Variants in KHDRBS2 observed in about 807,000 individuals in gnomAD.
KHDRBS2 encodes KH domain-containing, RNA-binding, signal transduction-associated protein 2.
In KHDRBS2, 26 loss-of-function variants were observed where a neutral mutation model predicts 44.3. The ratio of observed to expected loss-of-function variants is 0.59; its 90% CI spans 0.43 to 0.81. The LOEUF is 0.81. Ranked by LOEUF, KHDRBS2 falls within the 40% of genes least tolerant of loss-of-function variation. KHDRBS2 has a pLI of 0.00. For synonymous variants in KHDRBS2, 194 were observed against 151.1 expected, an observed-to-expected ratio of 1.28 and a Z score of -2.08; for missense variants, 476 against 433.1, an observed-to-expected ratio of 1.10 and a Z score of -0.88.
At chr6:61,589,201 C>A in the KHDRBS2 span, among the ~76,000 whole-genome samples, 3,717 of 152,232 alleles carry the variant, frequency 0.024, 71 homozygotes, top group Middle Eastern at 0.085. Context: ...TGTAACAAAT[C>A]TGCATGTTCA....
Position 61,816,974 on chromosome 6 carries a change from G to A in KHDRBS2, c.810+77661C>T, listed in dbSNP as rs528188229. The A allele has an allele frequency of 4.2e-5, 19 of 455,610 alleles. 1 individual carries two copies. The highest frequency in any genetic ancestry group is 9.4e-5 in the Admixed American group (4 of 42,492). 28.2% of individuals were successfully genotyped at this position (455,610 alleles called of 1,614,324 possible). The stretch of plus-strand genomic sequence containing the variant: ...ACTTACCTGGTGAGATTTTGCCACC[G>A]TATCAAAAAACAAGGAAAGTGGTAA... On this transcript the variant is annotated intron_variant, in intron 6 of 8. Coordinates refer to ENST00000281156, the MANE Select transcript of KHDRBS2 (RefSeq NM_152688.4).
chr6:62,081,140 A>G (rs1797311894), intron 2 of KHDRBS2, among the ~76,000 whole-genome samples: 1 of 152,164 alleles, frequency 6.6e-6, no homozygotes, highest in South Asian at 2.1e-4. Flanking sequence ...AACAAAGGTA[A>G]TGTTGATGCA....
chr6:61,553,463 T>C, the KHDRBS2 span, among the ~76,000 whole-genome samples: 1 of 152,152 alleles, frequency 6.6e-6, no homozygotes, highest in Non-Finnish European at 1.5e-5. Flanking sequence ...AACTCCTGGA[T>C]TCATTCATCA....
chr6:61,788,023 A>G (rs1047496876), intron 6 of KHDRBS2, among the ~76,000 whole-genome samples: 1 of 151,632 alleles, frequency 6.6e-6, no homozygotes, highest in African/African-American at 2.4e-5. Flanking sequence ...TATTTTAGTG[A>G]AATTGAATTC....
At chr6:61,775,774 T>C (rs9444959) in intron 6 of KHDRBS2, among the ~76,000 whole-genome samples, 97,433 of 151,954 alleles carry the variant, frequency 0.64, 31,935 homozygotes, top group African/African-American at 0.79. Context: ...ACTTTCTTCA[T>C]AGAATTGGAA....
intron 1 of KHDRBS2, among the ~76,000 whole-genome samples, chr6:62,231,405 C>G (rs186981802): frequency 6.6e-6 from 1 of 152,142 alleles, no homozygotes; most frequent in Non-Finnish European, 1.5e-5. Context: ...ATCATCAGAT[C>G]TCATGAGAAC....
the KHDRBS2 span, among the ~76,000 whole-genome samples, chr6:61,610,971 A>T: frequency 6.6e-6 from 1 of 152,206 alleles, no homozygotes. Context: ...GAAGGCCCCT[A>T]TGATATCTTT....
chr6:61,829,254 C>T (rs1263645866), intron 6 of KHDRBS2, among the ~76,000 whole-genome samples: 1 of 152,074 alleles, frequency 6.6e-6, no homozygotes, highest in African/African-American at 2.4e-5. Flanking sequence ...CTCTGCCTCC[C>T]GGGTTAAAGC....
rs1412409091 is a variant in KHDRBS2, at chr6:62,171,182, G to T, written c.219+6003C>A. 2.0e-5 allele frequency among the ~76,000 whole-genome samples: 3 copies of T among 152,026 alleles called. No homozygotes were observed. The East Asian group carries it at 5.8e-4, about 29-fold the overall frequency. On this transcript the variant is annotated intron_variant, in intron 2 of 8. Coordinates refer to ENST00000281156, the MANE Select transcript of KHDRBS2 (RefSeq NM_152688.4). ...TATGGATAGGAATGAAGATCATAGA[G>T]ATTCAGGAGAAAGTCAAAATCTATT...
At chr6:61,854,353 T>A (rs1193376764) in intron 6 of KHDRBS2, among the ~76,000 whole-genome samples, 7 of 152,108 alleles carry the variant, frequency 4.6e-5, no homozygotes, top group Non-Finnish European at 8.8e-5. Context: ...TAGAGCAAAA[T>A]TTTTATATAT....
At chr6:61,806,964 G>T (rs1787263189) in intron 6 of KHDRBS2, among the ~76,000 whole-genome samples, 1 of 151,926 alleles carries the variant, frequency 6.6e-6, no homozygotes, top group African/African-American at 2.4e-5. Context: ...TTTTTAGGAT[G>T]AAAAGTCTAC....
chr6:62,213,768 G>A (rs560132794), intron 1 of KHDRBS2, among the ~76,000 whole-genome samples: 29 of 150,174 alleles, frequency 1.9e-4, no homozygotes, highest in African/African-American at 6.6e-4. Flanking sequence ...CAGCTATTCC[G>A]GAGGCTGAGG....
chr6:62,281,601 C>G (rs1361359441), intron 1 of KHDRBS2, among the ~76,000 whole-genome samples: 2 of 152,154 alleles, frequency 1.3e-5, no homozygotes, highest in Non-Finnish European at 2.9e-5. Flanking sequence ...ACCTGGGCAA[C>G]AGCGCAAGGC....
At chr6:61,553,877 T>A in the KHDRBS2 span, among the ~76,000 whole-genome samples, 2 of 152,144 alleles carry the variant, frequency 1.3e-5, no homozygotes, top group African/African-American at 4.8e-5. Flanking sequence ...TTAGTATGAT[T>A]TCAAGTTTTT....
intron 6 of KHDRBS2, among the ~76,000 whole-genome samples, chr6:61,889,656 T>C (rs1239745667): frequency 2.0e-5 from 3 of 152,172 alleles, no homozygotes; most frequent in Non-Finnish European, 4.4e-5. Flanking sequence ...CTTTTGTGCC[T>C]ACCTCCACCC....
chr6:61,626,604 A>G, the KHDRBS2 span, among the ~76,000 whole-genome samples: 2 of 152,244 alleles, frequency 1.3e-5, no homozygotes, highest in South Asian at 2.1e-4. Flanking sequence ...CATAAAAGAT[A>G]TATATTCTAG....
chr6:61,851,059 G>C (rs554477), intron 6 of KHDRBS2, among the ~76,000 whole-genome samples: 87,089 of 151,760 alleles, frequency 0.57, 25,164 homozygotes, highest in South Asian at 0.68. Context: ...TGTAGCAGCA[G>C]CCTCACAGTT....
intron 4 of KHDRBS2, among the ~76,000 whole-genome samples, chr6:61,945,769 GA>G (rs553416854): frequency 0.01 from 1,529 of 148,978 alleles, 26 homozygotes; most frequent in African/African-American, 0.035. Context: ...AAAAACCCAT[GA>G]AAAAAAAATA....
chr6:62,000,385 G>C (rs1778012375), intron 3 of KHDRBS2, among the ~76,000 whole-genome samples: 1 of 152,044 alleles, frequency 6.6e-6, no homozygotes, highest in Non-Finnish European at 1.5e-5. Context: ...CAAAATATTA[G>C]TTGATTGGAT....
Sources: allele counts gnomAD v4.1 joint callset (sites outside exome capture counted in the v4.1 genomes callset), GRCh38; gene constraint gnomAD v4.1.1; transcripts MANE v1.5; gene names NCBI Gene and HGNC (gene_info 2026-07-23, HGNC 2026-07-21).